The following CNTN1 variants were observed in gnomAD, a reference collection of about 807,000 sequenced individuals.
The protein encoded by CNTN1 is contactin 1.
Under a neutral mutation model 126.4 loss-of-function variants are expected in CNTN1, and 38 were observed. The ratio of observed to expected loss-of-function variants is 0.30; its 90% confidence interval spans 0.23 to 0.39. CNTN1 has a LOEUF of 0.39. CNTN1 is among the 10% of genes least tolerant of loss of function. CNTN1 has a pLI of 1.00. For missense variants in CNTN1, 1,009 were observed against 1,248.4 expected (o/e 0.81, Z 2.89); for synonymous variants, 413 against 422.6 (o/e 0.98, Z 0.28).
At chr12:40,886,022 A>G (rs1231767208) in intron 1 of CNTN1, among the ~76,000 whole-genome samples, 2 of 152,074 alleles carry the variant, frequency 1.3e-5, no homozygotes, top group African/African-American at 4.8e-5. Flanking sequence ...AAAGAAAACT[A>G]TAGTTTAGTT....
At chr12:40,958,335 A>ATG (rs544218185) in intron 14 of CNTN1, among the ~76,000 whole-genome samples, 17,812 of 142,612 alleles carry the variant, frequency 0.12, 1,099 homozygotes, top group African/African-American at 0.13. Context: ...GTATGTGTAT[A>ATG]TGTGTGTGTG....
At chr12:40,707,060 A>AGTG (rs1941770622) in intron 1 of CNTN1, among the ~76,000 whole-genome samples, 3 of 101,542 alleles carry the variant, frequency 3.0e-5, no homozygotes, top group Non-Finnish European at 5.8e-5. Flanking sequence ...ACACACACAC[A>AGTG]CACACACACA....
In CNTN1 at chr12:40,933,892, TTTAA is replaced by T; in HGVS notation, c.985+17_985+20del. Reference sequence around the variant, plus strand: ...TTTATGTTCAAGGTAGATACATTATTTTAATTTTGTATAAATTTCATCAGTATCT... The same window carrying T: ...TTTATGTTCAAGGTAGATACATTATTTTTTGTATAAATTTCATCAGTATCT... On this transcript the variant is annotated intron_variant, in intron 9 of 23. Transcript: ENST00000551295. The T allele has an allele frequency of 6.3e-7, 1 of 1,596,496 alleles. No individual in the cohort carries two copies. The highest frequency in any genetic ancestry group is 8.6e-7 in the Non-Finnish European group (1 of 1,165,270).
intron 1 of CNTN1, among the ~76,000 whole-genome samples, chr12:40,780,841 T>C (rs552061678): frequency 1.3e-5 from 2 of 151,592 alleles, no homozygotes; most frequent in East Asian, 3.9e-4. Flanking sequence ...GAAGGTATGA[T>C]GTGGCTCCTG....
chr12:41,052,372 T>C (rs1422797560), intron 23 of CNTN1, among the ~76,000 whole-genome samples: 1 of 152,210 alleles, frequency 6.6e-6, no homozygotes, highest in Admixed American at 6.6e-5. Context: ...TATAAAGTAT[T>C]GTATATTTTA....
At chr12:40,984,085 G>T (rs928532486) in intron 16 of CNTN1, among the ~76,000 whole-genome samples, 1 of 148,632 alleles carries the variant, frequency 6.7e-6, no homozygotes, top group African/African-American at 2.5e-5. Flanking sequence ...GCTATCTAGG[G>T]GAAACACTTT....
chr12:41,071,878 C>A lies in CNTN1; in HGVS notation c.*1843C>A, dbSNP rs573151139. ...TTGGGGTTTTACTTTTGCAATGTGACCCATGTTGGGCATTTTTATATAATC... is the reference window on the plus strand; with the variant it reads ...TTGGGGTTTTACTTTTGCAATGTGAACCATGTTGGGCATTTTTATATAATC... On this transcript the variant is annotated 3_prime_UTR_variant, in exon 24 of 24. Coordinates refer to ENST00000551295, the MANE Select transcript of CNTN1 (RefSeq NM_001843.4). The A allele has an allele frequency of 6.6e-6, 1 of 152,234 alleles. No individual in the cohort carries two copies. The highest frequency in any genetic ancestry group is 2.4e-5 in the African/African-American group (1 of 41,568). The allele number at this position is 152,234 out of a possible 1,614,324, so 9.4% of individuals were successfully genotyped here.
rs60333858 is a variant in CNTN1 at position 40,827,022 on chromosome 12, A to T, written c.-76-81335A>T. 3.9e-3 allele frequency among the ~76,000 whole-genome samples: 596 copies of T among 152,346 alleles called. 3 individuals carry two copies. The highest frequency in any genetic ancestry group is 0.014 in the African/African-American group (576 of 41,580). On this transcript the variant is annotated intron_variant, in intron 1 of 23. Transcript: ENST00000551295. ...TTTTATATCTAAGACACTTTGAAAA[A>T]TAGACAAGCATTTTATACATATATG...
At chr12:41,015,014 CAAAG>C (rs1315902140) in intron 18 of CNTN1, among the ~76,000 whole-genome samples, 13 of 152,056 alleles carry the variant, frequency 8.5e-5, no homozygotes, top group Admixed American at 7.2e-4. Flanking sequence ...TGCAGATAGT[CAAAG>C]AGCACAATTT....
intron 1 of CNTN1, among the ~76,000 whole-genome samples, chr12:40,857,534 C>G (rs181724395): frequency 9.4e-4 from 143 of 152,160 alleles, no homozygotes; most frequent in Non-Finnish European, 1.7e-3. Flanking sequence ...AATGAATGAC[C>G]TGAAAGCAGG....
intron 19 of CNTN1, among the ~76,000 whole-genome samples, chr12:41,019,763 A>T (rs993502834): frequency 2.2e-4 from 33 of 151,924 alleles, no homozygotes; most frequent in Non-Finnish European, 4.0e-4. Flanking sequence ...GCTCTTAAAA[A>T]TTTTTTTTTA....
At chr12:40,969,882 T>C (rs144837466) in intron 15 of CNTN1, among the ~76,000 whole-genome samples, 38 of 152,136 alleles carry the variant, frequency 2.5e-4, no homozygotes, top group Non-Finnish European at 1.5e-5. Flanking sequence ...AGCAAATTAC[T>C]TGTGACACAC....
At chr12:40,783,966 A>C (rs1410911364) in intron 1 of CNTN1, among the ~76,000 whole-genome samples, 1 of 152,128 alleles carries the variant, frequency 6.6e-6, no homozygotes, top group Non-Finnish European at 1.5e-5. Flanking sequence ...TTTTATGCTA[A>C]ATTTTCAGCT....
In CNTN1 at chr12:40,716,557, G is replaced by A. The variant is rs1009319197; in HGVS notation, c.-77+23965G>A. Reference sequence around the variant, plus strand: ...TACACCACCTGGGTGTTGGACATGGGCAATTACAAATGTATCTAGAGACTG... The same window carrying A: ...TACACCACCTGGGTGTTGGACATGGACAATTACAAATGTATCTAGAGACTG... On this transcript the variant is annotated intron_variant, in intron 1 of 23. Coordinates refer to ENST00000551295, the MANE Select transcript of CNTN1 (RefSeq NM_001843.4). 2.6e-5 allele frequency among the ~76,000 whole-genome samples: 4 copies of A among 152,174 alleles called. No homozygotes were observed. The East Asian group carries it at 7.7e-4, about 29-fold the overall frequency.
At chr12:40,700,885 A>G (rs1158130366) in intron 1 of CNTN1, among the ~76,000 whole-genome samples, 1 of 152,256 alleles carries the variant, frequency 6.6e-6, no homozygotes, top group African/African-American at 2.4e-5. Context: ...TGTGTTGCAC[A>G]TGACCATCTC....
At chr12:40,819,075 C>T (rs1470666223) in intron 1 of CNTN1, among the ~76,000 whole-genome samples, 1 of 152,050 alleles carries the variant, frequency 6.6e-6, no homozygotes, top group African/African-American at 2.4e-5. Flanking sequence ...GGGACCTCTG[C>T]CCTTGAGGGG....
chr12:40,833,479 C>A (rs756833759), intron 1 of CNTN1, among the ~76,000 whole-genome samples: 1 of 152,010 alleles, frequency 6.6e-6, no homozygotes, highest in Non-Finnish European at 1.5e-5. Context: ...TTAAAATAAA[C>A]ATTTAAAAAT....
chr12:40,923,606 T>C (rs1204044577), intron 5 of CNTN1, among the ~76,000 whole-genome samples: 1 of 152,178 alleles, frequency 6.6e-6, no homozygotes, highest in Non-Finnish European at 1.5e-5. Context: ...CATTCTGTTC[T>C]CATTAATAAT....
At chr12:41,041,101 T>C (rs1037381959) in intron 23 of CNTN1, among the ~76,000 whole-genome samples, 5 of 150,808 alleles carry the variant, frequency 3.3e-5, no homozygotes, top group Non-Finnish European at 5.9e-5. Context: ...CAATACCTAA[T>C]TTATTGAGAG....
Sources: allele counts gnomAD v4.1 joint callset (sites outside exome capture counted in the v4.1 genomes callset), GRCh38; gene constraint gnomAD v4.1.1; transcripts MANE v1.5; gene names NCBI Gene and HGNC (gene_info 2026-07-23, HGNC 2026-07-21).